XKR9: variants seen among roughly 807,000 people sequenced by gnomAD.
The protein encoded by XKR9 is XK related 9, also known as XK-related protein 9.
Under a neutral mutation model 32.0 loss-of-function variants are expected in XKR9, and 32 were observed. That is an observed-to-expected ratio of 1.00 (90% CI 0.76 to 1.34). The LOEUF (loss-of-function observed/expected upper bound fraction) is 1.34, where lower values mean the gene tolerates loss of function less well. XKR9 is among the 40% of genes most tolerant of loss of function. The probability of loss-of-function intolerance (pLI) is 0.00; values close to 1 mark genes in which losing one functional copy is unlikely to be tolerated. For missense variants in XKR9, 546 were observed against 429.7 expected, an observed-to-expected ratio of 1.27 and a Z score of -2.39; for synonymous variants, 168 against 143.4, an observed-to-expected ratio of 1.17 and a Z score of -1.22.
At chr8:70,994,156 T>C in the XKR9 span, among the ~76,000 whole-genome samples, 4 of 152,156 alleles carry the variant, frequency 2.6e-5, no homozygotes, top group East Asian at 7.7e-4. Flanking sequence ...GCAGCAGAAA[T>C]GGACCAAGTC....
chr8:70,822,485 A>G, the XKR9 span, among the ~76,000 whole-genome samples: 2 of 151,676 alleles, frequency 1.3e-5, no homozygotes, highest in African/African-American at 4.8e-5. Context: ...TAATTTCCTA[A>G]AAGTATTACT....
the XKR9 span, among the ~76,000 whole-genome samples, chr8:70,819,589 G>C: frequency 6.6e-6 from 1 of 152,160 alleles, no homozygotes; most frequent in African/African-American, 2.4e-5. Context: ...TAATATCTCT[G>C]AGCCTCAATT....
chr8:71,037,006 G>T, the XKR9 span, among the ~76,000 whole-genome samples: 1 of 151,578 alleles, frequency 6.6e-6, no homozygotes, highest in South Asian at 2.1e-4. Flanking sequence ...GAGCCACCAC[G>T]CCTGGCCCTA....
At chr8:70,804,005 G>A in the XKR9 span, among the ~76,000 whole-genome samples, 1 of 152,220 alleles carries the variant, frequency 6.6e-6, no homozygotes, top group African/African-American at 2.4e-5. Context: ...ACAGGAGGCT[G>A]CACTCTTTGA....
rs1806755977 is a variant in XKR9 at position 70,733,829 on chromosome 8, C to T, written c.527C>T (p.Ser176Phe). Residue 176 changes from serine (S) to phenylalanine (F), a missense_variant, in exon 5 of 5, where the codon TCT becomes TTT. Physicochemically the swap from Ser to Phe is radical, Grantham distance 155 (BLOSUM62 -2). Coordinates refer to ENST00000408926, the MANE Select transcript of XKR9 (RefSeq NM_001011720.2). ...AAIMVSCCAI[S>F]WSTVDYQVAL... is the part of the protein sequence containing the mutation. ...ATCATGGTCTCTTGCTGTGCTATTTCTTGGTCAACTGTTGATTATCAAGTA... is the reference window on the plus strand; with the variant it reads ...ATCATGGTCTCTTGCTGTGCTATTTTTTGGTCAACTGTTGATTATCAAGTA... The T allele has an allele frequency of 1.3e-6, 2 of 1,590,008 alleles. No homozygotes were observed. Among genetic ancestry groups the T allele is most frequent in the East Asian group, 2.2e-5 (1 of 44,564 alleles).
At chr8:70,773,513 C>T (rs1043091390) in intron 2 of XKR9, among the ~76,000 whole-genome samples, 1 of 152,094 alleles carries the variant, frequency 6.6e-6, no homozygotes, top group Non-Finnish European at 1.5e-5. Context: ...TGTAAAGTGG[C>T]CTCAACATGT....
At chr8:70,841,433 T>C in the XKR9 span, among the ~76,000 whole-genome samples, 1 of 152,170 alleles carries the variant, frequency 6.6e-6, no homozygotes, top group African/African-American at 2.4e-5. Context: ...CACAGCAATT[T>C]CAAACTTGCA....
chr8:70,862,786 C>G, the XKR9 span, among the ~76,000 whole-genome samples: 1 of 151,982 alleles, frequency 6.6e-6, no homozygotes, highest in Non-Finnish European at 1.5e-5. Flanking sequence ...AGGTATTAAT[C>G]TAAGAATCAT....
At chr8:71,057,397 A>C in the XKR9 span, among the ~76,000 whole-genome samples, 1 of 152,166 alleles carries the variant, frequency 6.6e-6, no homozygotes, top group Non-Finnish European at 1.5e-5. Context: ...TGTATTTTCC[A>C]GTTGTCATAG....
At chr8:70,769,447 G>T (rs181345976) in intron 2 of XKR9, among the ~76,000 whole-genome samples, 3 of 151,992 alleles carry the variant, frequency 2.0e-5, no homozygotes, top group Admixed American at 1.3e-4. Context: ...GTATCTTAAT[G>T]ATGTTCCCTG....
the XKR9 span, among the ~76,000 whole-genome samples, chr8:70,814,140 G>A: frequency 6.6e-6 from 1 of 152,152 alleles, no homozygotes; most frequent in Admixed American, 6.5e-5. Context: ...CATGTCCTTT[G>A]CAGGGACATG....
At chr8:70,939,828 A>G in the XKR9 span, among the ~76,000 whole-genome samples, 101 of 152,224 alleles carry the variant, frequency 6.6e-4, no homozygotes, top group African/African-American at 2.4e-3. Context: ...AATACCATGC[A>G]ACAACAACAT....
At chr8:70,772,580 A>G (rs2130235083) in intron 2 of XKR9, among the ~76,000 whole-genome samples, 1 of 152,312 alleles carries the variant, frequency 6.6e-6, no homozygotes, top group East Asian at 1.9e-4. Flanking sequence ...TGTGACATTG[A>G]CAGGAGTTTA....
chr8:70,964,087 T>TA, the XKR9 span, among the ~76,000 whole-genome samples: 1 of 152,238 alleles, frequency 6.6e-6, no homozygotes. Flanking sequence ...CTAGGGTTTT[T>TA]ACAGTCTTGG....
Position 70,733,993 on chromosome 8 carries a change from G to A in XKR9, c.691G>A (p.Ala231Thr), listed in dbSNP as rs769747046. The change falls in exon 5 of 5, where the codon GCT (alanine) becomes ACT (threonine). Residue 231 changes from alanine (A) to threonine (T), a missense_variant. Transcript: ENST00000408926. ...VLLLFLNVKIALFLLLFLWLL... is the reference protein window; with the variant it reads ...VLLLFLNVKITLFLLLFLWLL... ...TCTACTATTCTTAAATGTTAAGATT[G>A]CTTTATTTCTGTTGTTATTTCTTTG... 8 of 1,612,092 alleles carry A rather than the reference G, an allele frequency of 5.0e-6. No homozygotes were observed. In the African/African-American group the frequency reaches 9.4e-5, roughly 19 times the overall value.
chr8:70,692,011 C>T (rs1209238998), intron 3 of XKR9, among the ~76,000 whole-genome samples: 3 of 145,168 alleles, frequency 2.1e-5, no homozygotes, highest in Non-Finnish European at 4.6e-5. Context: ...GGCAGTATAG[C>T]CATTTTAATG....
the XKR9 span, among the ~76,000 whole-genome samples, chr8:70,863,214 A>AAGG: frequency 2.0e-5 from 3 of 152,146 alleles, no homozygotes; most frequent in African/African-American, 7.2e-5. Context: ...GAAGAAGAAG[A>AAGG]AGGAGCAGCG....
chr8:71,021,586 T>G, the XKR9 span, among the ~76,000 whole-genome samples: 2 of 142,114 alleles, frequency 1.4e-5, no homozygotes, highest in Non-Finnish European at 3.0e-5. Flanking sequence ...CACTGCAAGC[T>G]CCGCCTCCCG....
At chr8:71,015,245 G>A in the XKR9 span, among the ~76,000 whole-genome samples, 1 of 152,114 alleles carries the variant, frequency 6.6e-6, no homozygotes, top group Admixed American at 6.5e-5. Flanking sequence ...ACATAGACAA[G>A]TACTCTGTCA....
Sources: gnomAD v4.1 joint callset for allele counts (sites outside exome capture counted in the v4.1 genomes callset) on GRCh38, gnomAD v4.1.1 for gene constraint, MANE v1.5 for transcripts, NCBI Gene and HGNC (gene_info 2026-07-23, HGNC 2026-07-21) for gene names.